HOMER3: variants seen among roughly 807,000 people sequenced by gnomAD.
The protein encoded by HOMER3 is homer scaffold protein 3.
In HOMER3, 34 loss-of-function variants were observed where a neutral mutation model predicts 45.5. The ratio of observed to expected loss-of-function variants is 0.75; its 90% CI spans 0.57 to 1.00. The LOEUF (loss-of-function observed/expected upper bound fraction) is 1.00. Ranked by LOEUF, HOMER3 falls within the 50% of genes least tolerant of loss-of-function variation. The pLI, the probability that HOMER3 is intolerant of heterozygous loss-of-function variation, is 0.00. For missense variants in HOMER3, 480 were observed against 497.5 expected, an observed-to-expected ratio of 0.96 and a Z score of 0.33; for synonymous variants, 223 against 208.8, an observed-to-expected ratio of 1.07 and a Z score of -0.58.
chr19:18,932,158 G>T (rs77256549), intron 6 of HOMER3, 26 bp from the exon 7 acceptor site: 7 of 1,518,232 alleles, frequency 4.6e-6, no homozygotes, highest in Non-Finnish European at 6.2e-6. Flanking sequence ...GGTCGGCAGT[G>T]GGTGACACGG....
At position 18,929,419 on chromosome 19, in the gene HOMER3, C is replaced by T. The variant is rs753111533; in HGVS notation, c.*24G>A. ...CCTGGCCCGCATCCCAGGCCGGAATCGTTCATAGAAAACCAGCCCCGGCTC... is the reference window on the plus strand; with the variant it reads ...CCTGGCCCGCATCCCAGGCCGGAATTGTTCATAGAAAACCAGCCCCGGCTC... On this transcript the variant is annotated 3_prime_UTR_variant, in exon 10 of 10. Transcript: ENST00000392351. 190 of 1,585,970 alleles carry T rather than the reference C, an allele frequency of 1.2e-4. No homozygotes were observed. The highest frequency in any genetic ancestry group is 1.6e-4 in the Non-Finnish European group (186 of 1,170,030).
intron 9 of HOMER3, among the ~76,000 whole-genome samples, 192 bp from the exon 10 acceptor site, chr19:18,929,826 T>C (rs959137888): frequency 2.0e-5 from 3 of 152,150 alleles, no homozygotes; most frequent in Non-Finnish European, 4.4e-5. Context: ...TGTTTGTTTG[T>C]TTTTGAGAAG....
Position 18,929,589 on chromosome 19 carries a change from T to C in HOMER3, c.940A>G (p.Met314Val), listed in dbSNP as rs1008189432. ...NAELEHQLRA[M>V]ERSLEEARAE... ...CGTGCCTCCTCCAGGCTGCGCTCCA[T>C]CGCCCGCAGCTGGTGCTCCAACTCC... Residue 314 changes from methionine (M) to valine (V), a missense_variant, in exon 10 of 10, where the codon ATG (methionine) becomes GTG (valine). Coordinates refer to ENST00000392351, the MANE Select transcript of HOMER3 (RefSeq NM_004838.4). 1.3e-6 allele frequency: 2 copies of C among 1,541,376 alleles called. No homozygotes were observed. Among genetic ancestry groups the C allele is most frequent in the Middle Eastern group, 2.0e-4 (1 of 4,962 alleles).
In HOMER3 at chr19:18,938,396, G is replaced by C. The variant is rs1011016092; in HGVS notation, c.260C>G (p.Thr87Arg). The change falls in exon 4 of 10, where the codon ACA (threonine) becomes AGA (arginine). Residue 87 changes from threonine to arginine, a missense_variant. Coordinates refer to ENST00000392351, the MANE Select transcript of HOMER3 (RefSeq NM_004838.4). ...FGQWADSRAN[T>R]VYGLGFASEQ... Reference sequence around the variant, plus strand: ...AGAGGCAAAGCCCAGGCCGTAGACTGTGTTGGCGCGACTGTCGGCCCACTG... The same window carrying C: ...AGAGGCAAAGCCCAGGCCGTAGACTCTGTTGGCGCGACTGTCGGCCCACTG... 2 of 1,613,964 alleles carry C rather than the reference G, an allele frequency of 1.2e-6. No homozygotes were observed. Among genetic ancestry groups the C allele is most frequent in the African/African-American group, 2.7e-5 (2 of 74,914 alleles).
At chr19:18,936,089 G>T (rs113706977) in intron 4 of HOMER3, among the ~76,000 whole-genome samples, 2,086 of 150,670 alleles carry the variant, frequency 0.014, 57 homozygotes, top group African/African-American at 0.048. Context: ...GCCGAGGCAG[G>T]TGGATCATGA....
chr19:18,937,532 C>T (rs1363588049), intron 4 of HOMER3, among the ~76,000 whole-genome samples: 1 of 151,518 alleles, frequency 6.6e-6, no homozygotes, highest in African/African-American at 2.4e-5. Flanking sequence ...ATTAGCTGGG[C>T]GAGGTGGTGG....
chr19:18,931,717 G>A (rs1011127005), intron 7 of HOMER3, 92 bp from the exon 8 acceptor site: 14 of 1,511,158 alleles, frequency 9.3e-6, no homozygotes, highest in South Asian at 1.3e-5. Flanking sequence ...GTCTGGCCAC[G>A]CCCAGGACCG....
intron 9 of HOMER3, among the ~76,000 whole-genome samples, chr19:18,929,882 C>T (rs1483924384): frequency 6.6e-6 from 1 of 151,994 alleles, no homozygotes; most frequent in East Asian, 2.0e-4. Context: ...GGCGTGATCT[C>T]GGCTCACTAC....
Position 18,939,015 on chromosome 19 carries a change from C to T in HOMER3, c.-33G>A. 6.5e-7 allele frequency: 1 copy of T among 1,549,210 alleles called. No individual in the cohort carries two copies. On this transcript the variant is annotated 5_prime_UTR_variant, in exon 2 of 10. Coordinates refer to ENST00000392351, the MANE Select transcript of HOMER3 (RefSeq NM_004838.4). ...GCTGGGATGGGCAGGCTCTAGGGGG[C>T]AGCCAGAGAGGTGGCAGGAGCACTG...
intron 4 of HOMER3, among the ~76,000 whole-genome samples, chr19:18,937,320 A>G (rs2057103482): frequency 6.6e-6 from 1 of 150,958 alleles, no homozygotes; most frequent in Non-Finnish European, 1.5e-5. Context: ...AAAAAAAAAA[A>G]AAAAAGAAGG....
At chr19:18,931,890 C>G (rs2057036770) in intron 7 of HOMER3, 86 bp downstream of exon 7, 1 of 1,441,892 alleles carries the variant, frequency 6.9e-7, no homozygotes, top group African/African-American at 1.4e-5. Flanking sequence ...AGTCCATGAA[C>G]CCAGGGCAGA....
At chr19:18,939,638 C>G (rs1048341244) in intron 1 of HOMER3, 7 of 152,672 alleles carry the variant, frequency 4.6e-5, no homozygotes, top group African/African-American at 1.2e-4. Flanking sequence ...GGTTATTGCA[C>G]CCCCGTGAAG....
chr19:18,934,458 C>G lies in HOMER3; in HGVS notation c.304-48G>C, dbSNP rs1369258526. 7.4e-6 allele frequency: 9 copies of G among 1,215,324 alleles called. No individual in the cohort carries two copies. The East Asian group carries it at 2.6e-4, about 35-fold the overall frequency. 75.3% of individuals were successfully genotyped at this position (1,215,324 alleles called of 1,614,324 possible). A position where few individuals can be genotyped will look rare whatever the true frequency, so the allele number is the denominator to read the frequency against. ...ACAGTAAAACCCCAGCCCATCCTCC[C>G]AAACAGGTCACCATCACTCAGTGAC... On this transcript the variant is annotated intron_variant, in intron 4 of 9. Coordinates refer to ENST00000392351, the MANE Select transcript of HOMER3 (RefSeq NM_004838.4).
At chr19:18,932,715 T>TG (rs752383579) in intron 6 of HOMER3, among the ~76,000 whole-genome samples, 2 of 150,332 alleles carry the variant, frequency 1.3e-5, no homozygotes, top group African/African-American at 2.5e-5. Context: ...GAGACAGGGA[T>TG]GGGGTCAAAA....
chr19:18,938,555 C>A, intron 3 of HOMER3, 71 bp from the exon 4 acceptor site: 1 of 1,561,250 alleles, frequency 6.4e-7, no homozygotes, highest in South Asian at 1.2e-5. Flanking sequence ...CCAGGTATTA[C>A]CTTGTATTAG....
At position 18,931,571 on chromosome 19, in the gene HOMER3, C is replaced by T. The variant is rs764544065; in HGVS notation, c.745G>A (p.Glu249Lys). 1 of 1,613,424 alleles carries T rather than the reference C, an allele frequency of 6.2e-7. No homozygotes were observed. Among genetic ancestry groups the T allele is most frequent in the Non-Finnish European group, 8.5e-7 (1 of 1,179,980 alleles). Residue 249 changes from glutamate (E) to lysine (K), a missense_variant, in exon 8 of 10, where the codon GAG (glutamate) becomes AAG (lysine). Physicochemically the swap from Glu to Lys is moderately conservative, Grantham distance 56. Coordinates refer to ENST00000392351, the MANE Select transcript of HOMER3 (RefSeq NM_004838.4). The part of the protein sequence containing the change: ...ASEVTPTGEK[E>K]GLGQGQSLEQ... ...AGCGACTGGCCCTGGCCCAGCCCCT[C>T]CTTCTCACCGGTGGGGGTCACCTCT...
rs770277533 is a variant in HOMER3, at chr19:18,929,333, G to A, written c.*110C>T. 1.5e-6 allele frequency: 2 copies of A among 1,295,672 alleles called. No individual in the cohort carries two copies. The highest frequency in any genetic ancestry group is 2.2e-6 in the Non-Finnish European group (2 of 904,368). The allele number at this position is 1,295,672 out of a possible 1,614,324, so 80.3% of individuals were successfully genotyped here. ...CCCAGCCCGGCCCGGCCCACCCAGGGCTAAGTTGGGACCCCCCAGTCCCTT... is the reference window on the plus strand; with the variant it reads ...CCCAGCCCGGCCCGGCCCACCCAGGACTAAGTTGGGACCCCCCAGTCCCTT... On this transcript the variant is annotated 3_prime_UTR_variant, in exon 10 of 10. Coordinates refer to ENST00000392351, the MANE Select transcript of HOMER3 (RefSeq NM_004838.4).
chr19:18,934,160 A>G, intron 5 of HOMER3, 143 bp downstream of exon 5: 1 of 508,430 alleles, frequency 2.0e-6, no homozygotes. Flanking sequence ...CTGTGGGTCT[A>G]ACCTTAGGTC....
At position 18,929,218 on chromosome 19, in the gene HOMER3, A is replaced by C; in HGVS notation, c.*225T>G. 1 of 763,500 alleles carries C rather than the reference A, an allele frequency of 1.3e-6. No homozygotes were observed. The highest frequency in any genetic ancestry group is 2.4e-6 in the Non-Finnish European group (1 of 417,564). 47.3% of individuals were successfully genotyped at this position (763,500 alleles called of 1,614,324 possible). A position where few individuals can be genotyped will look rare whatever the true frequency, so the allele number is the denominator to read the frequency against. Reference sequence around the variant, plus strand: ...CACACACAGCCACGCTTAGAAATGTAATCGGGGGATCTAGAAATTCTACAC... The same window carrying C: ...CACACACAGCCACGCTTAGAAATGTCATCGGGGGATCTAGAAATTCTACAC... On this transcript the variant is annotated 3_prime_UTR_variant, in exon 10 of 10. Transcript: ENST00000392351.
Sources: gnomAD v4.1 joint callset for allele counts (sites outside exome capture counted in the v4.1 genomes callset) on GRCh38, gnomAD v4.1.1 for gene constraint, MANE v1.5 for transcripts, NCBI Gene and HGNC (gene_info 2026-07-23, HGNC 2026-07-21) for gene names.